Variants in IRF2 observed in about 807,000 individuals in gnomAD.
IRF2 encodes the protein interferon regulatory factor 2.
Under a neutral mutation model 40.6 loss-of-function variants are expected in IRF2, and 15 were observed. The ratio of observed to expected loss-of-function variants is 0.37; its 90% CI spans 0.25 to 0.57. IRF2 has a LOEUF of 0.57. Ranked by LOEUF, IRF2 falls within the 20% of genes least tolerant of loss-of-function variation. The pLI is 0.77. For synonymous variants in IRF2, 151 were observed against 165.5 expected, an observed-to-expected ratio of 0.91 and a Z score of 0.67; for missense variants, 317 against 455.7, an observed-to-expected ratio of 0.70 and a Z score of 2.77.
At chr4:184,415,837 G>A (rs1737247188) in intron 5 of IRF2, among the ~76,000 whole-genome samples, 1 of 152,180 alleles carries the variant, frequency 6.6e-6, no homozygotes, top group African/African-American at 2.4e-5. Context: ...GTCAACAAAT[G>A]CGGATGCATC....
chr4:184,390,901 G>C lies in IRF2; in HGVS notation c.695-152C>G, dbSNP rs1579785453. 9.9e-6 allele frequency: 8 copies of C among 808,098 alleles called. No homozygotes were observed. In the East Asian group the frequency reaches 2.1e-4, roughly 21 times the overall value. The allele number at this position is 808,098 out of a possible 1,614,324, so 50.1% of individuals were successfully genotyped here. ...AACATTCTACATGGGAGAAGCTAGA[G>C]TGAATTTCAACTCTGTAATCTTCGG... On this transcript the variant is annotated intron_variant, in intron 7 of 8. Coordinates refer to ENST00000393593, the MANE Select transcript of IRF2 (RefSeq NM_002199.4).
intron 1 of IRF2, among the ~76,000 whole-genome samples, chr4:184,456,585 G>A (rs573585615): frequency 1.3e-5 from 2 of 152,316 alleles, no homozygotes; most frequent in South Asian, 4.1e-4. Context: ...GAAACCCCTC[G>A]GTCCAGCCAG....
chr4:184,406,877 A>G (rs1736878091), intron 6 of IRF2, among the ~76,000 whole-genome samples: 1 of 152,206 alleles, frequency 6.6e-6, no homozygotes, highest in African/African-American at 2.4e-5. Context: ...ACAATTCCCG[A>G]AAAAAGAATA....
intron 2 of IRF2, among the ~76,000 whole-genome samples, chr4:184,425,976 G>GTTTT (rs199619909): frequency 0.24 from 15,783 of 67,042 alleles, 978 homozygotes; most frequent in South Asian, 0.31. Context: ...GCTCACTCCG[G>GTTTT]TTTTTGTTTG....
At chr4:184,468,237 G>T (rs909691119) in intron 1 of IRF2, among the ~76,000 whole-genome samples, 1 of 152,062 alleles carries the variant, frequency 6.6e-6, no homozygotes, top group South Asian at 2.1e-4. Flanking sequence ...CCTGTAATCC[G>T]AATACTTTGG....
chr4:184,394,653 C>T (rs775553551), intron 7 of IRF2, among the ~76,000 whole-genome samples: 1 of 150,906 alleles, frequency 6.6e-6, no homozygotes, highest in African/African-American at 2.4e-5. Context: ...TCATTATAGC[C>T]AGTGAGTCCT....
intron 5 of IRF2, among the ~76,000 whole-genome samples, chr4:184,416,933 C>T (rs1737299479): frequency 6.6e-6 from 1 of 152,088 alleles, no homozygotes; most frequent in Non-Finnish European, 1.5e-5. Flanking sequence ...GTAGTCTCAG[C>T]TACTCGGGAG....
intron 6 of IRF2, among the ~76,000 whole-genome samples, chr4:184,405,274 T>G (rs2149895336): frequency 6.6e-6 from 1 of 152,104 alleles, no homozygotes; most frequent in African/African-American, 2.4e-5. Context: ...CAAAACTCAG[T>G]AGAGGTAACC....
rs114983657 is a variant in IRF2, at chr4:184,448,176, G to T, written c.-6-19106C>A. On this transcript the variant is annotated intron_variant, in intron 1 of 8. Coordinates refer to ENST00000393593, the MANE Select transcript of IRF2 (RefSeq NM_002199.4). The surrounding 1 kb of genome is among the most constrained non-coding windows in gnomAD (Gnocchi z 4.3). ...GACTTGGCCAGAAAGACAATACCAA[G>T]TAGGTAAGTAATTTCCAGTACAGAG... Among the ~76,000 whole-genome samples the T allele has an allele frequency of 6.6e-6, 1 of 152,234 alleles. No homozygotes were observed. Among genetic ancestry groups the T allele is most frequent in the Non-Finnish European group, 1.5e-5 (1 of 68,038 alleles).
intron 7 of IRF2, among the ~76,000 whole-genome samples, chr4:184,395,559 G>T (rs17075769): frequency 6.6e-6 from 1 of 152,024 alleles, no homozygotes; most frequent in Non-Finnish European, 1.5e-5. Context: ...CACGCAGAAA[G>T]CTGCCTTTCC....
Position 184,418,173 on chromosome 4 carries a change from G to A in IRF2, c.405C>T (p.His135=), listed in dbSNP as rs1337348536. The A allele has an allele frequency of 6.2e-6, 10 of 1,613,474 alleles. No homozygotes were observed. The highest frequency in any genetic ancestry group is 8.5e-6 in the Non-Finnish European group (10 of 1,179,352). Residue 135 remains histidine (H), a synonymous_variant, in exon 5 of 9, where the codon CAC becomes CAT. Transcript: ENST00000393593. ...CTGAATCACCCAAGATTACCTTGAT[G>A]TGCTTAACTTTGTCTTCTTTTTCTG... ...PKTEKEDKVK[H]IKQEPVESSL... is the part of the protein sequence containing the mutation.
At chr4:184,410,033 C>A (rs1737016054) in intron 5 of IRF2, among the ~76,000 whole-genome samples, 1 of 152,196 alleles carries the variant, frequency 6.6e-6, no homozygotes, top group Non-Finnish European at 1.5e-5. Context: ...CCGCTGTCTG[C>A]CTTTCCGGAC....
intron 7 of IRF2, 137 bp from the exon 8 acceptor site, chr4:184,390,886 A>C (rs548636552): frequency 6.0e-6 from 5 of 833,304 alleles, no homozygotes; most frequent in Non-Finnish European, 9.9e-6. Context: ...AACATTCTAC[A>C]TGGGAGAAGC....
intron 7 of IRF2, among the ~76,000 whole-genome samples, chr4:184,395,694 A>G (rs565164973): frequency 6.6e-6 from 1 of 152,364 alleles, no homozygotes; most frequent in Admixed American, 6.5e-5. Flanking sequence ...GCCTCCAACC[A>G]GTAAGCCTCC....
At chr4:184,392,887 C>T (rs1478763657) in intron 7 of IRF2, among the ~76,000 whole-genome samples, 4 of 152,098 alleles carry the variant, frequency 2.6e-5, no homozygotes, top group East Asian at 3.9e-4. Context: ...CTCCACTCCT[C>T]GGACTGGGCA....
At chr4:184,409,731 A>C (rs1021251754) in intron 5 of IRF2, among the ~76,000 whole-genome samples, 1 of 152,066 alleles carries the variant, frequency 6.6e-6, no homozygotes, top group Non-Finnish European at 1.5e-5. Context: ...CTGTCTCTAC[A>C]AAAAATGAAA....
chr4:184,407,256 T>G, intron 6 of IRF2: 1 of 1,286,146 alleles, frequency 7.8e-7, no homozygotes, highest in Non-Finnish European at 1.0e-6. Flanking sequence ...AAAACAGAAG[T>G]CACCATACAC....
Position 184,391,971 on chromosome 4 carries a change from C to T in IRF2, c.695-1222G>A, listed in dbSNP as rs568527435. ...AGGGCCTGGCACACAGCACACACTC[C>T]ATACATCAGCACTGCTTAACACTGG... On this transcript the variant is annotated intron_variant, in intron 7 of 8. Coordinates refer to ENST00000393593, the MANE Select transcript of IRF2 (RefSeq NM_002199.4). Among the ~76,000 whole-genome samples the T allele has an allele frequency of 3.3e-5, 5 of 152,334 alleles. No individual in the cohort carries two copies. In the South Asian group the frequency reaches 8.3e-4, roughly 25 times the overall value.
chr4:184,395,276 G>A (rs1452798818), intron 7 of IRF2, among the ~76,000 whole-genome samples: 8 of 152,092 alleles, frequency 5.3e-5, no homozygotes, highest in Admixed American at 5.2e-4. Flanking sequence ...AGCCGGGCTT[G>A]GTTGTGGGTG....
Sources: gnomAD v4.1 joint callset for allele counts (sites outside exome capture counted in the v4.1 genomes callset) on GRCh38, gnomAD v4.1.1 for gene constraint, Gnocchi (gnomAD v3.1) non-coding constraint, MANE v1.5 for transcripts, NCBI Gene and HGNC (gene_info 2026-07-23, HGNC 2026-07-21) for gene names.